TJP2: variants seen among roughly 807,000 people sequenced by gnomAD.
TJP2 encodes the protein tight junction protein 2, also known as Friedreich ataxia region gene X104 (tight junction protein ZO-2).
Under a neutral mutation model 133.1 loss-of-function variants are expected in TJP2, and 91 were observed. That is an observed-to-expected ratio of 0.68 (90% CI 0.58 to 0.81). The LOEUF (loss-of-function observed/expected upper bound fraction) is 0.81, where lower values mean the gene tolerates loss of function less well. Among genes scored for constraint, TJP2 ranks in the 40% least tolerant of loss-of-function variants. The pLI is 0.00. For missense variants in TJP2, 1,541 were observed against 1,565.6 expected, an observed-to-expected ratio of 0.98 and a Z score of 0.26; for synonymous variants, 592 against 583.4, an observed-to-expected ratio of 1.01 and a Z score of -0.21.
chr9:69,227,934 A>G, intron 8 of TJP2, 47 bp from the exon 9 acceptor site: 1 of 1,614,034 alleles, frequency 6.2e-7, no homozygotes, highest in Non-Finnish European at 8.5e-7. Flanking sequence ...ATATGTATTT[A>G]TGAAACTGTT....
In TJP2 at chr9:69,254,242, C is replaced by T; in HGVS notation, c.3441C>T (p.Ser1147=). 1.2e-6 allele frequency: 2 copies of T among 1,614,240 alleles called. No individual in the cohort carries two copies. The change falls in exon 23 of 23, where the codon TCC becomes TCT. Residue 1147 remains serine, a synonymous_variant. Coordinates refer to ENST00000377245, the MANE Select transcript of TJP2 (RefSeq NM_004817.4). ...CCCCTGAGCCACAGAAAGCTCCTTCCAGACCTTATCAGGATACCAGAGGAA... is the reference window on the plus strand; with the variant it reads ...CCCCTGAGCCACAGAAAGCTCCTTCTAGACCTTATCAGGATACCAGAGGAA... ...SRPPEPQKAP[S]RPYQDTRGSY... is the part of the protein sequence containing the mutation.
intron 11 of TJP2, among the ~76,000 whole-genome samples, chr9:69,233,907 A>G (rs948750340): frequency 2.0e-5 from 3 of 152,212 alleles, no homozygotes; most frequent in African/African-American, 4.8e-5. Context: ...TTTTATAAAC[A>G]CATGTTAAAC....
At chr9:69,122,026 G>C (rs554832340) in intron 1 of TJP2, 2 of 152,492 alleles carry the variant, frequency 1.3e-5, no homozygotes, top group Admixed American at 1.3e-4. Context: ...TCGCCCCCGG[G>C]GCGGCAGCGC....
chr9:69,176,681 C>T (rs1040874868), intron 1 of TJP2, among the ~76,000 whole-genome samples: 17 of 152,200 alleles, frequency 1.1e-4, no homozygotes, highest in Admixed American at 2.0e-4. Context: ...TGACTTCTGC[C>T]TACATTTAAC....
chr9:69,130,392 G>A (rs529621870), intron 1 of TJP2, among the ~76,000 whole-genome samples: 9 of 152,290 alleles, frequency 5.9e-5, no homozygotes, highest in African/African-American at 1.7e-4. Flanking sequence ...AGTGTGTAGC[G>A]CAGTGATTCT....
chr9:69,177,085 A>G (rs374323483), intron 1 of TJP2, among the ~76,000 whole-genome samples: 1 of 152,206 alleles, frequency 6.6e-6, no homozygotes, highest in African/African-American at 2.4e-5. Flanking sequence ...AACGAATCCC[A>G]TTAAGCAGTT....
chr9:69,174,794 C>T (rs185737699), intron 1 of TJP2, among the ~76,000 whole-genome samples: 59 of 152,192 alleles, frequency 3.9e-4, no homozygotes, highest in African/African-American at 1.3e-3. Flanking sequence ...TCAAACCACA[C>T]TCGGTATTGA....
chr9:69,145,873 G>A, intron 1 of TJP2: 1 of 1,142,692 alleles, frequency 8.8e-7, no homozygotes, highest in Non-Finnish European at 1.1e-6. Flanking sequence ...CTTTTTGTCT[G>A]TTTTGGGGAC....
At chr9:69,146,652 C>T (rs759609221) in intron 1 of TJP2, among the ~76,000 whole-genome samples, 5 of 152,126 alleles carry the variant, frequency 3.3e-5, no homozygotes, top group Non-Finnish European at 7.4e-5. Context: ...CTACTAGAAT[C>T]GTTTAGGTCA....
intron 19 of TJP2, chr9:69,248,970 C>CAAAAAAAAAAA (rs56986564): frequency 1.2e-6 from 1 of 822,652 alleles, no homozygotes; most frequent in Non-Finnish European, 1.4e-6. Flanking sequence ...ATAGAACTAC[C>CAAAAAAAAAAA]AAAAAAAAAA....
rs144427772 is a variant in TJP2, at chr9:69,228,645, G to C, written c.1453+531G>C. Among the ~76,000 whole-genome samples the C allele has an allele frequency of 1.8e-3, 276 of 152,292 alleles. 2 individuals carry two copies. The highest frequency in any genetic ancestry group is 3.3e-3 in the Non-Finnish European group (227 of 68,030). On this transcript the variant is annotated intron_variant, in intron 9 of 22. Transcript: ENST00000377245. ...ATAGATAAGTGTGTACTTAATTCCA[G>C]AGGGTGGCTGAAAGGGAAGAAGGAA... is the stretch of plus-strand genomic sequence containing the variant.
chr9:69,254,982 T>G lies in TJP2; in HGVS notation c.*608T>G, dbSNP rs1831595495. ...CTTTTCAAGGCATTTGTCTTTGTAA[T>G]ATTTTCCATAAATTTGGACTGTCTA... On this transcript the variant is annotated 3_prime_UTR_variant, in exon 23 of 23. Transcript: ENST00000377245. 9.4e-6 allele frequency: 2 copies of G among 211,960 alleles called. No individual in the cohort carries two copies. Among genetic ancestry groups the G allele is most frequent in the Non-Finnish European group, 1.9e-5 (2 of 106,408 alleles). The allele number at this position is 211,960 out of a possible 1,614,324, so 13.1% of individuals were successfully genotyped here.
chr9:69,236,631 CAG>C (rs1424300821), intron 13 of TJP2, among the ~76,000 whole-genome samples: 1 of 152,104 alleles, frequency 6.6e-6, no homozygotes, highest in Non-Finnish European at 1.5e-5. Flanking sequence ...GTTTGGCTGA[CAG>C]TGCAGGAACC....
In TJP2 at chr9:69,147,094, A is replaced by G. The variant is rs145300341; in HGVS notation, c.-130-4557A>G. On this transcript the variant is annotated intron_variant, in intron 1 of 5. Transcript: ENST00000423935. ...GCAGGGGGCATACAGAGACTCTATC[A>G]GAGTCCATGTAGGTTAATGCTGTTC... is the stretch of plus-strand genomic sequence containing the variant. Among the ~76,000 whole-genome samples the G allele has an allele frequency of 4.9e-3, 750 of 152,346 alleles. 9 individuals are homozygous for G. Among genetic ancestry groups the G allele is most frequent in the African/African-American group, 0.016 (684 of 41,590 alleles).
chr9:69,197,020 G>GTGC (rs1197019224), intron 1 of TJP2, among the ~76,000 whole-genome samples: 2 of 150,870 alleles, frequency 1.3e-5, no homozygotes, highest in African/African-American at 2.4e-5. Context: ...CCAGGTTGGA[G>GTGC]TGCAGTGGCA....
intron 1 of TJP2, among the ~76,000 whole-genome samples, chr9:69,148,260 T>C (rs1350709018): frequency 7.6e-6 from 1 of 130,846 alleles, no homozygotes; most frequent in East Asian, 2.5e-4. Context: ...TTTTTTTTTT[T>C]TTGAGACACA....
chr9:69,210,287 C>CT (rs1827779276), intron 1 of TJP2, among the ~76,000 whole-genome samples: 1 of 11,866 alleles, frequency 8.4e-5, no homozygotes, highest in African/African-American at 2.4e-4. Context: ...AGACCCCGTC[C>CT]CCCCCCCCCC....
At chr9:69,221,710 C>A (rs560084064) in intron 5 of TJP2, among the ~76,000 whole-genome samples, 3 of 151,418 alleles carry the variant, frequency 2.0e-5, no homozygotes, top group Non-Finnish European at 4.4e-5. Context: ...CCCGCCACCA[C>A]GCCCAGCTAA....
At chr9:69,213,833 C>T (rs1235619376) in intron 2 of TJP2, among the ~76,000 whole-genome samples, 1 of 152,120 alleles carries the variant, frequency 6.6e-6, no homozygotes, top group Admixed American at 6.5e-5. Flanking sequence ...GATGGAGCTG[C>T]CTCTGTCTAA....
Sources: allele counts gnomAD v4.1 joint callset (sites outside exome capture counted in the v4.1 genomes callset), GRCh38; gene constraint gnomAD v4.1.1; transcripts MANE v1.5; gene names NCBI Gene and HGNC (gene_info 2026-07-23, HGNC 2026-07-21).